CCSER1: variants seen among roughly 807,000 people sequenced by gnomAD.
CCSER1 encodes coiled-coil serine rich protein 1, also known as serine-rich coiled-coil domain-containing protein 1.
CCSER1 carries 41 observed loss-of-function variants against 82.0 expected under a neutral mutation model. That is an observed-to-expected ratio of 0.50 (90% CI 0.39 to 0.65). CCSER1 has a LOEUF of 0.65. Among genes scored for constraint, CCSER1 ranks in the 30% least tolerant of loss-of-function variants. The pLI, the probability that CCSER1 is intolerant of heterozygous loss-of-function variation, is 0.00. For synonymous variants in CCSER1, 414 were observed against 383.9 expected (o/e 1.08, Z -0.92); for missense variants, 1,119 against 1,064.2 (o/e 1.05, Z -0.72).
At chr4:90,845,126 G>A (rs146563057) in intron 8 of CCSER1, among the ~76,000 whole-genome samples, 2,417 of 152,184 alleles carry the variant, frequency 0.016, 68 homozygotes, top group African/African-American at 0.055. Flanking sequence ...ACTCTGGGGG[G>A]CCGAGGCAGG....
intron 1 of CCSER1, among the ~76,000 whole-genome samples, chr4:90,197,553 G>T (rs1297533432): frequency 2.6e-5 from 4 of 152,108 alleles, no homozygotes; most frequent in Admixed American, 6.6e-5. Context: ...CAGATGAATG[G>T]ATAAAGGAAA....
intron 10 of CCSER1, among the ~76,000 whole-genome samples, chr4:91,183,296 G>A (rs1338711346): frequency 5.9e-5 from 9 of 152,136 alleles, no homozygotes; most frequent in Non-Finnish European, 8.8e-5. Context: ...TACAAGCTCC[G>A]TTTTTGAGCT....
chr4:91,369,972 G>A (rs1232913679), intron 10 of CCSER1, among the ~76,000 whole-genome samples: 1 of 151,802 alleles, frequency 6.6e-6, no homozygotes, highest in Non-Finnish European at 1.5e-5. Flanking sequence ...GAGCCACTGT[G>A]CCCAGCCAGT....
At chr4:91,540,079 T>C (rs956885268) in intron 10 of CCSER1, among the ~76,000 whole-genome samples, 2 of 152,132 alleles carry the variant, frequency 1.3e-5, no homozygotes, top group African/African-American at 4.8e-5. Context: ...AAAATTGATA[T>C]ACTTCAAGAG....
At chr4:90,148,711 C>T (rs1301627104) in intron 1 of CCSER1, among the ~76,000 whole-genome samples, 1 of 152,092 alleles carries the variant, frequency 6.6e-6, no homozygotes, top group Non-Finnish European at 1.5e-5. Flanking sequence ...AATGGACAAA[C>T]CTGAGGATTG....
At chr4:90,791,677 C>T (rs1755258669) in intron 7 of CCSER1, among the ~76,000 whole-genome samples, 1 of 151,978 alleles carries the variant, frequency 6.6e-6, no homozygotes, top group African/African-American at 2.4e-5. Context: ...AGTGAAACCC[C>T]ATCTCTACTA....
intron 8 of CCSER1, among the ~76,000 whole-genome samples, chr4:90,909,581 A>G (rs1726017512): frequency 6.6e-6 from 1 of 152,224 alleles, no homozygotes; most frequent in Non-Finnish European, 1.5e-5. Flanking sequence ...CAGAGTTTCT[A>G]TCATGCCTTT....
chr4:90,951,159 A>G (rs1394297921), intron 9 of CCSER1: 2 of 152,110 alleles, frequency 1.3e-5, no homozygotes, highest in Non-Finnish European at 2.9e-5. Flanking sequence ...TCATGTCTGA[A>G]GGTTAGTGAG....
At chr4:91,163,541 T>C (rs1731677331) in intron 10 of CCSER1, among the ~76,000 whole-genome samples, 1 of 152,226 alleles carries the variant, frequency 6.6e-6, no homozygotes, top group African/African-American at 2.4e-5. Flanking sequence ...TGTTAAAGTT[T>C]CCCATTATTA....
At chr4:90,797,215 T>C (rs1204809341) in intron 7 of CCSER1, among the ~76,000 whole-genome samples, 9 of 152,204 alleles carry the variant, frequency 5.9e-5, no homozygotes, top group Non-Finnish European at 2.9e-5. Context: ...ATTGTTGTAT[T>C]GAACCCTTTA....
chr4:91,440,426 A>G (rs571823189), intron 10 of CCSER1, among the ~76,000 whole-genome samples: 38 of 152,340 alleles, frequency 2.5e-4, no homozygotes, highest in African/African-American at 8.9e-4. Context: ...ATGAGAACAA[A>G]GAAAGATACA....
intron 10 of CCSER1, among the ~76,000 whole-genome samples, chr4:91,475,966 A>C (rs905553906): frequency 6.6e-6 from 1 of 151,818 alleles, no homozygotes; most frequent in Non-Finnish European, 1.5e-5. Context: ...GCTGCAAATG[A>C]CAGGATTTCA....
chr4:91,378,735 C>A (rs1303337676), intron 10 of CCSER1, among the ~76,000 whole-genome samples: 2 of 152,078 alleles, frequency 1.3e-5, no homozygotes, highest in African/African-American at 2.4e-5. Flanking sequence ...AGCTGAATAC[C>A]CTTTAATTCT....
intron 10 of CCSER1, among the ~76,000 whole-genome samples, chr4:91,168,501 T>C (rs35427141): frequency 0.64 from 90,852 of 141,756 alleles, 28,591 homozygotes; most frequent in Non-Finnish European, 0.7. Context: ...AAGCAGGGAG[T>C]GCTTCTGCCT....
At chr4:90,848,006 G>T (rs1763414963) in intron 8 of CCSER1, among the ~76,000 whole-genome samples, 1 of 152,124 alleles carries the variant, frequency 6.6e-6, no homozygotes, top group African/African-American at 2.4e-5. Context: ...AATTAGATAA[G>T]ACTGATGTTT....
intron 10 of CCSER1, among the ~76,000 whole-genome samples, chr4:91,369,620 C>A (rs1749875741): frequency 6.9e-6 from 1 of 144,416 alleles, no homozygotes. Flanking sequence ...ACAAACCCTT[C>A]AAATACATTA....
intron 1 of CCSER1, among the ~76,000 whole-genome samples, chr4:90,247,469 A>C (rs1043091703): frequency 6.6e-6 from 1 of 152,196 alleles, no homozygotes; most frequent in Non-Finnish European, 1.5e-5. Context: ...AGTGAATATT[A>C]AAGTGACTGA....
intron 8 of CCSER1, among the ~76,000 whole-genome samples, chr4:90,844,134 A>AGT (rs1181113987): frequency 3.4e-5 from 5 of 148,832 alleles, no homozygotes; most frequent in East Asian, 3.9e-4. Flanking sequence ...TATATCTTCC[A>AGT]GTGTGTGTGT....
chr4:90,150,631 AAG>A (rs1442347831), intron 1 of CCSER1, among the ~76,000 whole-genome samples: 1 of 152,164 alleles, frequency 6.6e-6, no homozygotes, highest in Non-Finnish European at 1.5e-5. Flanking sequence ...TAAATGTAAT[AAG>A]CAATTTGTTG....
Sources: allele counts gnomAD v4.1 joint callset (sites outside exome capture counted in the v4.1 genomes callset), GRCh38; gene constraint gnomAD v4.1.1; transcripts MANE v1.5; gene names NCBI Gene and HGNC (gene_info 2026-07-23, HGNC 2026-07-21).